MTCL2: variants seen among roughly 807,000 people sequenced by gnomAD.
MTCL2 encodes the protein microtubule crosslinking factor 2, also known as microtubule cross-linking factor 2.
At chr20:36,785,333 T>C in the MTCL2 span, 1 of 985,240 alleles carries the variant, frequency 1.0e-6, no homozygotes, top group Non-Finnish European at 1.2e-6. Flanking sequence ...TGTTTCAACC[T>C]CCAATAAATT....
At chr20:36,863,310 C>T in the MTCL2 span, 13 of 1,183,910 alleles carry the variant, frequency 1.1e-5, no homozygotes, top group African/African-American at 1.3e-4. The surrounding 1 kb of genome is among the most constrained non-coding windows in gnomAD (Gnocchi z 6.2). Context: ...GGGACCGCAG[C>T]CCCGGACCGG....
At chr20:36,815,810 C>T in the MTCL2 span, 313 of 1,592,874 alleles carry the variant, frequency 2.0e-4, no homozygotes, top group Non-Finnish European at 2.6e-4. This position sits in a 1 kb window ranked among gnomAD's most constrained non-coding sequence, Gnocchi z 5.3. Flanking sequence ...GGAACTTGGC[C>T]AGCTCGTTCA....
chr20:36,829,122 G>T, the MTCL2 span: 1 of 1,585,458 alleles, frequency 6.3e-7, no homozygotes. Context: ...AGCCGCTGAC[G>T]AAGCTCTTCG....
chr20:36,796,563 A>G, the MTCL2 span, among the ~76,000 whole-genome samples: 2 of 152,258 alleles, frequency 1.3e-5, no homozygotes, highest in African/African-American at 4.8e-5. Context: ...CTCCAGAGGC[A>G]GGAGAAAAGA....
chr20:36,835,887 G>A, the MTCL2 span, among the ~76,000 whole-genome samples: 1 of 152,102 alleles, frequency 6.6e-6, no homozygotes, highest in Non-Finnish European at 1.5e-5. Flanking sequence ...CTCCACCCAC[G>A]GAGGCGCCGC....
At chr20:36,827,142 A>G in the MTCL2 span, among the ~76,000 whole-genome samples, 1 of 151,714 alleles carries the variant, frequency 6.6e-6, no homozygotes, top group Non-Finnish European at 1.5e-5. Context: ...TCCACCTCCC[A>G]GGTTCAAGAG....
At chr20:36,814,201 CT>C in the MTCL2 span, among the ~76,000 whole-genome samples, 1 of 152,184 alleles carries the variant, frequency 6.6e-6, no homozygotes, top group African/African-American at 2.4e-5. Context: ...GGAATCATAT[CT>C]GTTTTTGCTA....
At chr20:36,832,491 A>G in the MTCL2 span, among the ~76,000 whole-genome samples, 3 of 152,058 alleles carry the variant, frequency 2.0e-5, no homozygotes, top group Admixed American at 6.6e-5. Flanking sequence ...CCCATTCTCC[A>G]TGGAATCCCT....
the MTCL2 span, among the ~76,000 whole-genome samples, chr20:36,861,974 G>A: frequency 1.4e-4 from 21 of 152,348 alleles, no homozygotes; most frequent in Non-Finnish European, 2.2e-4. Context: ...GGCCAATGGG[G>A]CTGTTGTGTG....
the MTCL2 span, among the ~76,000 whole-genome samples, chr20:36,831,743 G>C: frequency 1.3e-5 from 2 of 152,282 alleles, no homozygotes; most frequent in South Asian, 2.1e-4. Context: ...TCCACGAAGT[G>C]GGGAGAACAA....
chr20:36,857,319 G>A, the MTCL2 span, among the ~76,000 whole-genome samples: 5 of 152,130 alleles, frequency 3.3e-5, no homozygotes, highest in Non-Finnish European at 2.9e-5. Flanking sequence ...CTGAGCCTCC[G>A]TTGTGTCTGT....
At chr20:36,859,723 G>C in the MTCL2 span, 1 of 1,231,750 alleles carries the variant, frequency 8.1e-7, no homozygotes, top group African/African-American at 1.6e-5. Context: ...CAAGGGGGAG[G>C]TAAGCCTGAG....
the MTCL2 span, chr20:36,812,899 G>A: frequency 4.5e-5 from 71 of 1,566,680 alleles, no homozygotes; most frequent in African/African-American, 6.8e-4. Flanking sequence ...GGAGGGGCCC[G>A]AGGGGTGCCA....
the MTCL2 span, chr20:36,815,913 G>A: frequency 2.0e-5 from 32 of 1,611,548 alleles, no homozygotes; most frequent in Admixed American, 4.9e-4. The surrounding 1 kb of genome is among the most constrained non-coding windows in gnomAD (Gnocchi z 5.3). Flanking sequence ...CCGCAGCTCT[G>A]CCAAGCTCTC....
At chr20:36,836,659 T>A in the MTCL2 span, among the ~76,000 whole-genome samples, 4 of 152,256 alleles carry the variant, frequency 2.6e-5, no homozygotes, top group African/African-American at 4.8e-5. Flanking sequence ...TAATTTTTTT[T>A]ATTTTTTTGT....
the MTCL2 span, chr20:36,806,099 G>T: frequency 3.2e-6 from 2 of 624,490 alleles, no homozygotes; most frequent in Non-Finnish European, 5.5e-6. Flanking sequence ...CTGCCCCAAA[G>T]ACCAGGAAGC....
chr20:36,796,754 G>A, the MTCL2 span: 1 of 861,798 alleles, frequency 1.2e-6, no homozygotes, highest in Non-Finnish European at 1.9e-6. Flanking sequence ...GGCAGGAAGA[G>A]GGCAAAGGGG....
the MTCL2 span, among the ~76,000 whole-genome samples, chr20:36,803,796 A>G: frequency 6.6e-6 from 1 of 151,820 alleles, no homozygotes; most frequent in African/African-American, 2.4e-5. Context: ...TCTCTACTAA[A>G]AATACAAAAA....
chr20:36,852,790 C>G, the MTCL2 span, among the ~76,000 whole-genome samples: 2 of 152,142 alleles, frequency 1.3e-5, no homozygotes, highest in Non-Finnish European at 2.9e-5. Context: ...GGCATGGTGG[C>G]TCACACCTGT....
Sources: allele counts gnomAD v4.1 joint callset (sites outside exome capture counted in the v4.1 genomes callset), GRCh38; gene constraint gnomAD v4.1.1; non-coding constraint Gnocchi (gnomAD v3.1); transcripts MANE v1.5; gene names NCBI Gene and HGNC (gene_info 2026-07-23, HGNC 2026-07-21).